Variants in ADAMTS6 observed in about 807,000 individuals in gnomAD.
ADAMTS6 encodes the protein A disintegrin and metalloproteinase with thrombospondin motifs 6.
Under a neutral mutation model 144.3 loss-of-function variants are expected in ADAMTS6, and 23 were observed. The ratio of observed to expected loss-of-function variants is 0.16; its 90% CI spans 0.11 to 0.23. The LOEUF (loss-of-function observed/expected upper bound fraction) is 0.23. Ranked by LOEUF, ADAMTS6 falls within the 10% of genes least tolerant of loss-of-function variation. The pLI is 1.00. For missense variants in ADAMTS6, 999 were observed against 1,379.6 expected, an observed-to-expected ratio of 0.72 and a Z score of 4.37; for synonymous variants, 444 against 457.5, an observed-to-expected ratio of 0.97 and a Z score of 0.38.
At position 65,344,330 on chromosome 5, in the gene ADAMTS6, T is replaced by A. The variant is rs77349352; in HGVS notation, c.1074-10245A>T. ...ATAACAAAATAACTTTCTCTTTCAT[T>A]GTTCTGTCACTAAATTATGTTACAT... On this transcript the variant is annotated intron_variant, in intron 7 of 24. Transcript: ENST00000381055. Among the ~76,000 whole-genome samples the A allele has an allele frequency of 8.7e-3, 1,325 of 152,054 alleles. 20 individuals carry two copies. Among genetic ancestry groups the A allele is most frequent in the African/African-American group, 0.03 (1,251 of 41,538 alleles).
chr5:65,438,641 T>C (rs1054752816), intron 7 of ADAMTS6, among the ~76,000 whole-genome samples: 1 of 152,202 alleles, frequency 6.6e-6, no homozygotes, highest in Admixed American at 6.5e-5. Flanking sequence ...CAAGAAAATA[T>C]CTGCTATTAT....
At chr5:65,264,397 A>G (rs759095181) in intron 12 of ADAMTS6, among the ~76,000 whole-genome samples, 71 of 152,066 alleles carry the variant, frequency 4.7e-4, no homozygotes, top group Admixed American at 2.6e-4. Flanking sequence ...TGGTCCTTCT[A>G]GTAATGCTTT....
chr5:65,445,811 G>A (rs1393425036), intron 7 of ADAMTS6, among the ~76,000 whole-genome samples: 1 of 152,192 alleles, frequency 6.6e-6, no homozygotes, highest in East Asian at 1.9e-4. Context: ...TATGGGCAAT[G>A]GGGGTGGGTA....
intron 7 of ADAMTS6, among the ~76,000 whole-genome samples, chr5:65,369,141 T>C (rs7723472): frequency 0.12 from 18,335 of 152,024 alleles, 1,236 homozygotes; most frequent in African/African-American, 0.18. Flanking sequence ...GATCCCTTGA[T>C]CCCAGGAGTT....
intron 20 of ADAMTS6, chr5:65,198,587 A>C (rs551287131): frequency 6.6e-5 from 11 of 167,202 alleles, no homozygotes; most frequent in Admixed American, 2.0e-4. Flanking sequence ...AAATCCACCA[A>C]GCTCATGACA....
At chr5:65,337,392 G>C (rs1427517627) in intron 7 of ADAMTS6, among the ~76,000 whole-genome samples, 2 of 151,158 alleles carry the variant, frequency 1.3e-5, no homozygotes, top group Non-Finnish European at 3.0e-5. Flanking sequence ...CTTTTTTGTG[G>C]GATATTTCTT....
At chr5:65,258,937 T>C (rs1454999963) in intron 14 of ADAMTS6, among the ~76,000 whole-genome samples, 1 of 152,028 alleles carries the variant, frequency 6.6e-6, no homozygotes, top group East Asian at 1.9e-4. Flanking sequence ...TTGGGTCAAA[T>C]GGCAAATAAA....
At chr5:65,163,204 C>T (rs114544805) in intron 24 of ADAMTS6, among the ~76,000 whole-genome samples, 3,003 of 152,148 alleles carry the variant, frequency 0.02, 97 homozygotes, top group African/African-American at 0.068. Flanking sequence ...AGCCACCACA[C>T]CCAGCTAAGA....
chr5:65,210,705 C>T, intron 20 of ADAMTS6: 1 of 646,326 alleles, frequency 1.5e-6, no homozygotes, highest in Non-Finnish European at 2.9e-6. Context: ...TGGAAGTACA[C>T]CAGAAGCACA....
intron 24 of ADAMTS6, among the ~76,000 whole-genome samples, chr5:65,158,591 AGGT>A (rs1229148200): frequency 5.7e-5 from 8 of 141,554 alleles, no homozygotes; most frequent in Admixed American, 5.0e-4. Context: ...GAGCTTGAGG[AGGT>A]TAGTCCCAAC....
intron 9 of ADAMTS6, among the ~76,000 whole-genome samples, chr5:65,315,868 A>G (rs1288222420): frequency 1.3e-5 from 2 of 152,172 alleles, no homozygotes; most frequent in Non-Finnish European, 2.9e-5. Context: ...AACTTATAGA[A>G]CTGCAAAGAG....
chr5:65,259,761 G>T (rs1317004101), intron 14 of ADAMTS6, among the ~76,000 whole-genome samples: 1 of 152,244 alleles, frequency 6.6e-6, no homozygotes, highest in East Asian at 1.9e-4. Flanking sequence ...ACAGATAGGA[G>T]AATGTTTGTA....
intron 22 of ADAMTS6, among the ~76,000 whole-genome samples, chr5:65,185,961 ACTT>A (rs945410127): frequency 4.6e-5 from 7 of 152,206 alleles, no homozygotes; most frequent in Admixed American, 1.3e-4. Context: ...GTTGGCAGCA[ACTT>A]CTTCTAGAAA....
rs1746493219 is a variant in ADAMTS6, at chr5:65,329,438, C to T, written c.1163G>A (p.Ser388Asn). Residue 388 changes from serine (S) to asparagine (N), a missense_variant, in exon 9 of 25, where the codon AGC becomes AAC. By Grantham distance (46) the Ser-to-Asn change is conservative. Transcript: ENST00000381055. ...AGMCEPERSCSINEDIGLGSA... is the reference protein window; with the variant it reads ...AGMCEPERSCNINEDIGLGSA... Reference sequence around the variant, plus strand: ...ACCCAGGCCAATGTCTTCATTAATGCTGCAGCTCCTTTCAGGCTCACACAT... The same window carrying T: ...ACCCAGGCCAATGTCTTCATTAATGTTGCAGCTCCTTTCAGGCTCACACAT... The T allele has an allele frequency of 1.2e-6, 2 of 1,612,946 alleles. No homozygotes were observed. The highest frequency in any genetic ancestry group is 1.7e-6 in the Non-Finnish European group (2 of 1,179,352).
chr5:65,390,185 A>T (rs1752798848), intron 7 of ADAMTS6, among the ~76,000 whole-genome samples: 1 of 152,210 alleles, frequency 6.6e-6, no homozygotes, highest in Non-Finnish European at 1.5e-5. Flanking sequence ...AATATGACAA[A>T]TTTTAGTATA....
At chr5:65,172,379 A>C (rs2112082478) in intron 23 of ADAMTS6, among the ~76,000 whole-genome samples, 1 of 151,018 alleles carries the variant, frequency 6.6e-6, no homozygotes, top group South Asian at 2.1e-4. Flanking sequence ...GCGCCACTGC[A>C]CTCCAGCCTG....
At position 65,277,508 on chromosome 5, in the gene ADAMTS6, C is replaced by T. The variant is rs576457197; in HGVS notation, c.1513-4061G>A. Among the ~76,000 whole-genome samples the T allele has an allele frequency of 2.0e-5, 3 of 151,966 alleles. No individual in the cohort carries two copies. In the East Asian group the frequency reaches 5.8e-4, roughly 29 times the overall value. On this transcript the variant is annotated intron_variant, in intron 11 of 24. Transcript: ENST00000381055. ...CTGGGCTCAAGAGATCCTCCTGCCT[C>T]GGCCTTCCAAAGTGTTGGGATTACA...
intron 7 of ADAMTS6, among the ~76,000 whole-genome samples, chr5:65,424,293 A>T (rs1171225981): frequency 1.3e-5 from 2 of 152,232 alleles, no homozygotes; most frequent in African/African-American, 4.8e-5. Context: ...CTACTACAGA[A>T]CTCAAGAAGT....
rs572279449 is a variant in ADAMTS6, at chr5:65,391,205, C to A, written c.1074-57120G>T. Among the ~76,000 whole-genome samples, 6 of 152,152 alleles carry A rather than the reference C, an allele frequency of 3.9e-5. No individual in the cohort carries two copies. In the South Asian group the frequency reaches 1.2e-3, roughly 32 times the overall value. On this transcript the variant is annotated intron_variant, in intron 7 of 24. Transcript: ENST00000381055. ...CAAGTGCCAGGATTACAGGTATGAA[C>A]CACGAAGCCTGGCCTTGTTTGTTTG...
Sources: gnomAD v4.1 joint callset for allele counts (sites outside exome capture counted in the v4.1 genomes callset) on GRCh38, gnomAD v4.1.1 for gene constraint, MANE v1.5 for transcripts, NCBI Gene and HGNC (gene_info 2026-07-23, HGNC 2026-07-21) for gene names.